The following RBM25 variants were observed in gnomAD, a reference collection of about 807,000 sequenced individuals.
RBM25 encodes the protein RNA-binding protein 25.
In RBM25, 19 loss-of-function variants were observed where a neutral mutation model predicts 120.7. That is an observed-to-expected ratio of 0.16 (90% CI 0.11 to 0.23). RBM25 has a LOEUF of 0.23. RBM25 is among the 10% of genes least tolerant of loss of function. RBM25 has a pLI of 1.00. For missense variants in RBM25, 605 were observed against 1,041.5 expected (o/e 0.58, Z 5.77); for synonymous variants, 390 against 326.7 (o/e 1.19, Z -2.09).
intron 9 of RBM25, 168 bp from the exon 10 acceptor site, chr14:73,103,024 T>C (rs1896085197): frequency 4.3e-6 from 6 of 1,391,194 alleles, no homozygotes; most frequent in African/African-American, 2.9e-5. Flanking sequence ...GAAATCTTTC[T>C]AGTCTTGTGA....
chr14:73,111,913 A>G, intron 16 of RBM25, 111 bp downstream of exon 16: 1 of 1,329,740 alleles, frequency 7.5e-7, no homozygotes, highest in Non-Finnish European at 1.0e-6. Flanking sequence ...ACAAATAAGT[A>G]GGGATGATCA....
At chr14:73,070,535 T>G (rs1287484845) in intron 1 of RBM25, among the ~76,000 whole-genome samples, 1 of 152,204 alleles carries the variant, frequency 6.6e-6, no homozygotes, top group Non-Finnish European at 1.5e-5. Context: ...AGTCAGGAGT[T>G]TATTTCCCCC....
chr14:73,061,732 AT>A lies in RBM25; in HGVS notation c.-16+3034del, dbSNP rs376493175. Among the ~76,000 whole-genome samples the A allele has an allele frequency of 1.2e-3, 179 of 150,728 alleles. 4 individuals are homozygous for A. The highest frequency in any genetic ancestry group is 4.2e-3 in the African/African-American group (174 of 41,262). On this transcript the variant is annotated intron_variant, in intron 1 of 18. Coordinates refer to ENST00000261973, the MANE Select transcript of RBM25 (RefSeq NM_021239.3). ...CAGGTGCACGCCACCATGCCTGGCT[AT>A]TTTTTTGTATTTTTGGTAGAGATGG...
intron 10 of RBM25, 26 bp downstream of exon 10, chr14:73,103,504 TC>T (rs768455814): frequency 1.6e-4 from 248 of 1,540,508 alleles, no homozygotes; most frequent in Non-Finnish European, 2.0e-4. Flanking sequence ...AGTTACTGTT[TC>T]CTGATAGCTT....
chr14:73,102,646 A>G (rs1339036524), intron 9 of RBM25: 1 of 152,550 alleles, frequency 6.6e-6, no homozygotes, highest in Non-Finnish European at 1.5e-5. Flanking sequence ...CATAGATGAT[A>G]AGGCAGTTCT....
intron 4 of RBM25, among the ~76,000 whole-genome samples, chr14:73,080,465 T>C (rs1310554888): frequency 2.0e-5 from 3 of 152,090 alleles, no homozygotes; most frequent in Non-Finnish European, 4.4e-5. Flanking sequence ...CCTCGTGATC[T>C]GCCCGCTTTG....
chr14:73,070,456 A>G (rs747906851), intron 1 of RBM25, among the ~76,000 whole-genome samples: 5 of 151,704 alleles, frequency 3.3e-5, no homozygotes, highest in African/African-American at 2.4e-5. Flanking sequence ...AAAAAAAACT[A>G]TGACTTTTTT....
intron 6 of RBM25, among the ~76,000 whole-genome samples, chr14:73,096,418 C>T (rs1895942891): frequency 1.3e-5 from 2 of 152,160 alleles, no homozygotes; most frequent in Non-Finnish European, 2.9e-5. Context: ...TCATTACAGC[C>T]CCTAAACTCC....
In RBM25 at chr14:73,109,468, A is replaced by C; in HGVS notation, c.1668A>C (p.Pro556=). The C allele has an allele frequency of 6.2e-7, 1 of 1,614,138 alleles. No individual in the cohort carries two copies. The highest frequency in any genetic ancestry group is 8.5e-7 in the Non-Finnish European group (1 of 1,179,988). Residue 556 remains proline (P), a synonymous_variant, in exon 14 of 19, where the codon CCA becomes CCC. Coordinates refer to ENST00000261973, the MANE Select transcript of RBM25 (RefSeq NM_021239.3). The part of the protein sequence containing the change: ...IRQRLLAEGH[P]DPDAELQRME... ...AGCGCCTTCTGGCAGAAGGGCATCC[A>C]GATCCAGATGCAGAGCTCCAGAGGG...
At position 73,103,424 on chromosome 14, in the gene RBM25, G is replaced by A. The variant is rs1352667998; in HGVS notation, c.1100G>A (p.Arg367His). ...CGAGATCGGGATCGAGAGAGAGATC[G>A]TGACCGGGATAGAGAAAGGAGCTCA... ...RDRDRDRERD[R>H]DRDRERSSDR... is the part of the protein sequence containing the mutation. The change falls in exon 10 of 19, where the codon CGT becomes CAT. Residue 367 changes from arginine to histidine, a missense_variant. Transcript: ENST00000261973. 3.1e-6 allele frequency: 5 copies of A among 1,613,456 alleles called. No homozygotes were observed. The highest frequency in any genetic ancestry group is 2.2e-5 in the East Asian group (1 of 44,894).
intron 1 of RBM25, among the ~76,000 whole-genome samples, chr14:73,063,250 C>T (rs1323013767): frequency 2.0e-5 from 3 of 151,034 alleles, no homozygotes; most frequent in Admixed American, 6.6e-5. Context: ...CCCGGGTTCA[C>T]GCCATTCTCC....
rs1489052137 is a variant in RBM25, at chr14:73,107,827, C to G, written c.1469C>G (p.Ala490Gly). 3 of 1,586,222 alleles carry G rather than the reference C, an allele frequency of 1.9e-6. No individual in the cohort carries two copies. The Admixed American group carries it at 5.2e-5, about 27-fold the overall frequency. ...EREEERRREMAKEAKRLKEFL... is the reference protein window; with the variant it reads ...EREEERRREMGKEAKRLKEFL... ...TACATTGTCCTTATTTCCTCAAAGG[C>G]CAAAGAAGCTAAACGACTAAAAGAA... is the stretch of plus-strand genomic sequence containing the variant. Residue 490 changes from alanine (A) to glycine (G), a missense_variant and splice_region_variant, in exon 13 of 19, where the codon GCC becomes GGC. By Grantham distance (60) the Ala-to-Gly change is moderately conservative (BLOSUM62 0). Around this residue, in one of 4 missense-constraint regions of RBM25, gnomAD observed 465 missense variants for 741.6 expected, o/e 0.63. Transcript: ENST00000261973.
intron 18 of RBM25, among the ~76,000 whole-genome samples, chr14:73,118,452 T>A (rs888610618): frequency 6.7e-6 from 1 of 150,098 alleles, no homozygotes; most frequent in African/African-American, 2.5e-5. Context: ...TACTCCAGGC[T>A]GGGTGACAAG....
intron 1 of RBM25, among the ~76,000 whole-genome samples, chr14:73,066,209 G>A (rs1317407347): frequency 1.3e-5 from 2 of 152,072 alleles, no homozygotes; most frequent in Non-Finnish European, 1.5e-5. Flanking sequence ...TGGTCAAAAA[G>A]TTTTACAGAA....
intron 2 of RBM25, among the ~76,000 whole-genome samples, chr14:73,073,815 T>A (rs1355382554): frequency 6.6e-6 from 1 of 152,230 alleles, no homozygotes; most frequent in Non-Finnish European, 1.5e-5. Flanking sequence ...TTCTAGATAA[T>A]CATGGATGTA....
At chr14:73,113,353 C>T (rs975928516) in intron 17 of RBM25, among the ~76,000 whole-genome samples, 11 of 151,330 alleles carry the variant, frequency 7.3e-5, no homozygotes, top group Non-Finnish European at 1.0e-4. Context: ...TCCCAAAGTG[C>T]GGGGATTACA....
chr14:73,068,204 C>G, intron 1 of RBM25: 1 of 867,654 alleles, frequency 1.2e-6, no homozygotes, highest in Non-Finnish European at 1.9e-6. Context: ...TGTTTTGGAA[C>G]AAATGTTTCC....
rs60336075 is a variant in RBM25, at chr14:73,094,810, G to GGTGTGTGTGTGTGT, written c.544-2086_544-2073dup. On this transcript the variant is annotated intron_variant, in intron 6 of 18. Coordinates refer to ENST00000261973, the MANE Select transcript of RBM25 (RefSeq NM_021239.3). ...CAAAATGCTGGGATTACAGGAGCGA[G>GGTGTGTGTGTGTGT]GTGTGTGTGTGTGTGTGTGTGTGTG... 1.4e-4 allele frequency among the ~76,000 whole-genome samples: 21 copies of GGTGTGTGTGTGTGT among 145,280 alleles called. No individual in the cohort carries two copies. In the East Asian group the frequency reaches 4.0e-3, roughly 28 times the overall value.
intron 13 of RBM25, 28 bp downstream of exon 13, chr14:73,107,927 T>C (rs753877949): frequency 1.3e-6 from 2 of 1,492,646 alleles, no homozygotes; most frequent in East Asian, 4.6e-5. Flanking sequence ...TGTGGATTCA[T>C]ACTTGGTTTT....
Sources: allele counts gnomAD v4.1 joint callset (sites outside exome capture counted in the v4.1 genomes callset), GRCh38; gene constraint gnomAD v4.1.1; regional missense constraint gnomAD v4.1.1; transcripts MANE v1.5; gene names NCBI Gene and HGNC (gene_info 2026-07-23, HGNC 2026-07-21).